MILR1: variants seen among roughly 807,000 people sequenced by gnomAD.
The protein encoded by MILR1 is mast cell immunoglobulin like receptor 1, also known as allergin-1.
MILR1 carries 31 observed loss-of-function variants against 18.5 expected under a neutral mutation model. The observed-to-expected ratio is 1.68, with a 90% CI of 1.26 to 2.26. The LOEUF is 2.26. Among genes scored for constraint, MILR1 ranks in the 30% most tolerant of loss-of-function variants. The probability of loss-of-function intolerance (pLI) is 0.00; values close to 1 mark genes in which losing one functional copy is unlikely to be tolerated. For synonymous variants in MILR1, 85 were observed against 56.2 expected (o/e 1.51, Z -2.30); for missense variants, 257 against 157.4 (o/e 1.63, Z -3.38).
At chr17:64,477,989 C>G in the MILR1 span, 1 of 1,613,280 alleles carries the variant, frequency 6.2e-7, no homozygotes, top group Non-Finnish European at 8.5e-7. Flanking sequence ...TTCATCATAC[C>G]TAAGAAAAAA....
At chr17:64,451,076 G>A (rs974621260) in intron 2 of MILR1, among the ~76,000 whole-genome samples, 72 of 151,872 alleles carry the variant, frequency 4.7e-4, no homozygotes, top group African/African-American at 1.7e-3. Context: ...CGGTGGGTGA[G>A]TTTCCCCACC....
At chr17:64,449,387 C>T (rs1270231893) in intron 2 of MILR1, 32 bp downstream of exon 2, 8 of 447,456 alleles carry the variant, frequency 1.8e-5, no homozygotes, top group Non-Finnish European at 3.3e-5. Context: ...CTTATTGAAA[C>T]CATTTTCACT....
At chr17:64,467,732 G>A (rs1374360444) in intron 9 of MILR1, 87 bp downstream of exon 9, 11 of 745,484 alleles carry the variant, frequency 1.5e-5, no homozygotes, top group African/African-American at 1.1e-4. Context: ...TCAGGAGTTC[G>A]AGACCAGCCT....
At chr17:64,481,549 G>A in the MILR1 span, 1 of 337,400 alleles carries the variant, frequency 3.0e-6, no homozygotes, top group Non-Finnish European at 4.2e-6. Flanking sequence ...TAGAATATCT[G>A]AATATAGTCA....
At chr17:64,468,706 C>G, downstream of MILR1, 1 of 929,674 alleles carries the variant, frequency 1.1e-6, no homozygotes, top group South Asian at 3.1e-5. Context: ...TCTCCATGAT[C>G]TTTTCCACTG....
At chr17:64,450,859 T>C (rs2037154326) in intron 2 of MILR1, among the ~76,000 whole-genome samples, 1 of 152,182 alleles carries the variant, frequency 6.6e-6, no homozygotes, top group African/African-American at 2.4e-5. Flanking sequence ...TTTATTGCCC[T>C]GCTTTTTGGG....
chr17:64,489,275 TAAAA>T, the MILR1 span, among the ~76,000 whole-genome samples: 814 of 142,044 alleles, frequency 5.7e-3, 4 homozygotes, highest in Middle Eastern at 0.011. Context: ...AATACCAATT[TAAAA>T]AAAAAATGGA....
chr17:64,453,655 C>A (rs1433693600), intron 3 of MILR1, among the ~76,000 whole-genome samples: 1 of 150,916 alleles, frequency 6.6e-6, no homozygotes, highest in Non-Finnish European at 1.5e-5. Context: ...ACTCTTCCTG[C>A]CTAGCCACAT....
At chr17:64,465,014 G>T (rs139226416) in intron 5 of MILR1, among the ~76,000 whole-genome samples, 1,827 of 152,294 alleles carry the variant, frequency 0.012, 40 homozygotes, top group African/African-American at 0.041. Flanking sequence ...CTTGAAACCA[G>T]GATGCGGAGG....
chr17:64,494,751 T>C, the MILR1 span, among the ~76,000 whole-genome samples: 1 of 152,310 alleles, frequency 6.6e-6, no homozygotes, highest in South Asian at 2.1e-4. Flanking sequence ...GACCTTTTTA[T>C]ATGACCCATT....
At chr17:64,480,468 A>G in the MILR1 span, 1 of 677,332 alleles carries the variant, frequency 1.5e-6, no homozygotes, top group Non-Finnish European at 2.7e-6. Context: ...GTGAAGCCAC[A>G]AATCACCCTC....
At chr17:64,457,376 T>G (rs2037323012) in intron 3 of MILR1, 24 bp from the exon 4 acceptor site, 1 of 473,122 alleles carries the variant, frequency 2.1e-6, no homozygotes, top group African/African-American at 2.0e-5. Context: ...TTTATCCTTT[T>G]CATGTTCACT....
the MILR1 span, among the ~76,000 whole-genome samples, chr17:64,491,995 C>T: frequency 6.7e-6 from 1 of 148,224 alleles, no homozygotes; most frequent in South Asian, 2.1e-4. Context: ...AGTGAAAATA[C>T]TGAGTATATT....
At chr17:64,473,082 G>A (rs1356535298), downstream of MILR1, among the ~76,000 whole-genome samples, 1 of 152,116 alleles carries the variant, frequency 6.6e-6, no homozygotes, top group African/African-American at 2.4e-5. Context: ...GGGCGTGGTG[G>A]CTCACGCCTG....
At chr17:64,476,953 T>A in the MILR1 span, among the ~76,000 whole-genome samples, 1 of 152,102 alleles carries the variant, frequency 6.6e-6, no homozygotes, top group African/African-American at 2.4e-5. Flanking sequence ...TTGGTAACAA[T>A]GGGATATTTT....
At chr17:64,470,958 TG>T (rs2037679466), downstream of MILR1, among the ~76,000 whole-genome samples, 1 of 152,206 alleles carries the variant, frequency 6.6e-6, no homozygotes, top group African/African-American at 2.4e-5. Flanking sequence ...TCATTCCACA[TG>T]GCAGGGGAAG....
the MILR1 span, among the ~76,000 whole-genome samples, chr17:64,490,117 G>T: frequency 6.6e-6 from 1 of 152,056 alleles, no homozygotes; most frequent in African/African-American, 2.4e-5. Flanking sequence ...TAGAGATGGG[G>T]TTTCACCACA....
chr17:64,495,240 A>G, the MILR1 span, among the ~76,000 whole-genome samples: 1 of 151,460 alleles, frequency 6.6e-6, no homozygotes, highest in Non-Finnish European at 1.5e-5. Flanking sequence ...ACTGAGGGTC[A>G]TTGCTTCTAG....
the MILR1 span, among the ~76,000 whole-genome samples, chr17:64,484,921 G>A: frequency 2.6e-5 from 4 of 151,954 alleles, no homozygotes; most frequent in Admixed American, 6.5e-5. Context: ...ATGTTCAAAG[G>A]GTATATGACT....
Sources: gnomAD v4.1 joint callset for allele counts (sites outside exome capture counted in the v4.1 genomes callset) on GRCh38, gnomAD v4.1.1 for gene constraint, MANE v1.5 for transcripts, NCBI Gene and HGNC (gene_info 2026-07-23, HGNC 2026-07-21) for gene names.